The following COPZ2 variants were observed in gnomAD, a reference collection of about 807,000 sequenced individuals.
COPZ2 encodes coatomer subunit zeta-2.
In COPZ2, 30 loss-of-function variants were observed where a neutral mutation model predicts 33.2. That is an observed-to-expected ratio of 0.90 (90% CI 0.68 to 1.23). COPZ2 has a LOEUF of 1.23. COPZ2 is among the 50% of genes most tolerant of loss of function. The probability of loss-of-function intolerance (pLI) is 0.00; values close to 1 mark genes in which losing one functional copy is unlikely to be tolerated. For missense variants in COPZ2, 263 were observed against 262.4 expected (o/e 1.00, Z -0.02); for synonymous variants, 89 against 102.6 (o/e 0.87, Z 0.80).
upstream of COPZ2, chr17:48,037,915 C>G: frequency 1.1e-6 from 1 of 912,266 alleles, no homozygotes; most frequent in Non-Finnish European, 1.3e-6. The surrounding 1 kb of genome is among the most constrained non-coding windows in gnomAD (Gnocchi z 5.6). Flanking sequence ...CGTTCTCCCC[C>G]ATCTCCCCTC....
intron 2 of COPZ2, 112 bp downstream of exon 2, chr17:48,036,739 G>A (rs2036988701): frequency 3.3e-6 from 3 of 913,370 alleles, no homozygotes; most frequent in Admixed American, 4.2e-5. Flanking sequence ...GACCTCTGGA[G>A]GGGTCTAAGC....
In COPZ2 at chr17:48,028,710, G is replaced by A; in HGVS notation, c.547-200C>T. The A allele has an allele frequency of 1.7e-6, 1 of 594,134 alleles. No homozygotes were observed. 36.8% of individuals were successfully genotyped at this position (594,134 alleles called of 1,614,324 possible). On this transcript the variant is annotated intron_variant, in intron 7 of 8. Coordinates refer to ENST00000621465, the MANE Select transcript of COPZ2 (RefSeq NM_016429.4). This position sits in a 1 kb window ranked among gnomAD's most constrained non-coding sequence, Gnocchi z 4.5. ...AGGACCTCTGGGATTGTGCTATGGT[G>A]CGTGGAGGGTGAGGGAAGATGGGAA...
At chr17:48,033,972 A>G (rs751962808) in intron 2 of COPZ2, 28 bp from the exon 3 acceptor site, 25 of 1,503,232 alleles carry the variant, frequency 1.7e-5, no homozygotes, top group Non-Finnish European at 2.3e-5. Context: ...AGAAAGGACC[A>G]TAGCTTTCCA....
chr17:48,031,773 G>A (rs971838174), intron 6 of COPZ2: 2 of 242,536 alleles, frequency 8.2e-6, no homozygotes, highest in African/African-American at 2.3e-5. Context: ...TGTTGGAATT[G>A]AGCCCTAAGA....
chr17:48,032,547 T>C (rs2036909658), intron 5 of COPZ2, 139 bp downstream of exon 5: 1 of 747,734 alleles, frequency 1.3e-6, no homozygotes, highest in African/African-American at 1.8e-5. Context: ...CTACTTTCGT[T>C]CATTGTGTCG....
chr17:48,046,848 T>C, the COPZ2 span: 1 of 152,226 alleles, frequency 6.6e-6, no homozygotes, highest in Admixed American at 6.5e-5. Flanking sequence ...TACTAAGTTA[T>C]AACAGTTAAC....
In COPZ2 at chr17:48,033,246, A is replaced by G. The variant is rs765212190; in HGVS notation, c.325T>C (p.Phe109Leu). Residue 109 changes from phenylalanine to leucine, a missense_variant, in exon 4 of 9, where the codon TTC becomes CTC. Coordinates refer to ENST00000621465, the MANE Select transcript of COPZ2 (RefSeq NM_016429.4). ...TIVYKNSIDL[F>L]LYVVGSSYEN... ...TAGGATGAGCCCACCACGTATAGGA[A>G]GAGGTCAATGCTGTTCTTGTAGACG... The G allele has an allele frequency of 6.2e-7, 1 of 1,613,250 alleles. No homozygotes were observed. Among genetic ancestry groups the G allele is most frequent in the East Asian group, 2.2e-5 (1 of 44,872 alleles).
chr17:48,026,353 G>T lies in COPZ2; in HGVS notation c.*75C>A. The T allele has an allele frequency of 8.1e-7, 1 of 1,238,652 alleles. No individual in the cohort carries two copies. The highest frequency in any genetic ancestry group is 1.2e-6 in the Non-Finnish European group (1 of 845,040). 76.7% of individuals were successfully genotyped at this position (1,238,652 alleles called of 1,614,324 possible). Reference sequence around the variant, plus strand: ...CTGGGGATACAGAGGGGTCTCTCCTGACCCTGGGATCTTTGGGCTTTTGCC... The same window carrying T: ...CTGGGGATACAGAGGGGTCTCTCCTTACCCTGGGATCTTTGGGCTTTTGCC... On this transcript the variant is annotated 3_prime_UTR_variant, in exon 9 of 9. Coordinates refer to ENST00000621465, the MANE Select transcript of COPZ2 (RefSeq NM_016429.4).
rs936496341 is a variant in COPZ2, at chr17:48,028,607, G to T, written c.547-97C>A. 3.5e-6 allele frequency: 4 copies of T among 1,150,948 alleles called. No individual in the cohort carries two copies. The highest frequency in any genetic ancestry group is 4.2e-5 in the Admixed American group (2 of 48,004). 71.3% of individuals were successfully genotyped at this position (1,150,948 alleles called of 1,614,324 possible). Reference sequence around the variant, plus strand: ...GGGGCTTGGGGGTATGGGTGAGGTGGTGCAGTGGTTAGGGTGATTCAGAGC... The same window carrying T: ...GGGGCTTGGGGGTATGGGTGAGGTGTTGCAGTGGTTAGGGTGATTCAGAGC... On this transcript the variant is annotated intron_variant, in intron 7 of 8. Transcript: ENST00000621465. The surrounding 1 kb of genome is among the most constrained non-coding windows in gnomAD (Gnocchi z 4.5).
Position 48,032,902 on chromosome 17 carries a change from G to A in COPZ2, c.361-161C>T, listed in dbSNP as rs1265058561. ...CATTAGAGGGAACTTCCATGTGTCT[G>A]GGCTGGGAAACTGGAGTTCTCCACT... is the stretch of plus-strand genomic sequence containing the variant. On this transcript the variant is annotated intron_variant, in intron 4 of 8. Coordinates refer to ENST00000621465, the MANE Select transcript of COPZ2 (RefSeq NM_016429.4). 1.1e-5 allele frequency: 7 copies of A among 634,998 alleles called. No homozygotes were observed. The African/African-American group carries it at 1.1e-4, about 10-fold the overall frequency. The allele number at this position is 634,998 out of a possible 1,614,324, so 39.3% of individuals were successfully genotyped here. A position where few individuals can be genotyped will look rare whatever the true frequency, so the allele number is the denominator to read the frequency against.
Position 48,036,933 on chromosome 17 carries a change from CGGAGA to C in COPZ2, c.112-13_112-9del. ...GAGGGAAGGTTCCTGCAACTGACAC[CGGAGA>C]GGAGAGTTCCGTTTGGCCCCTGACT... is the stretch of plus-strand genomic sequence containing the variant. On this transcript the variant is annotated splice_polypyrimidine_tract_variant and intron_variant, in intron 1 of 8. Coordinates refer to ENST00000621465, the MANE Select transcript of COPZ2 (RefSeq NM_016429.4). 6.2e-7 allele frequency: 1 copy of C among 1,613,092 alleles called. No homozygotes were observed. Among genetic ancestry groups the C allele is most frequent in the Non-Finnish European group, 8.5e-7 (1 of 1,179,294 alleles).
In COPZ2 at chr17:48,028,415, C is replaced by G; in HGVS notation, c.585+57G>C. The stretch of plus-strand genomic sequence containing the variant: ...TCCCCCTAGGATGCTCTAGGATGCT[C>G]TGCTCCCCGTATCTCTCTAGACCAT... On this transcript the variant is annotated intron_variant, in intron 8 of 8. Coordinates refer to ENST00000621465, the MANE Select transcript of COPZ2 (RefSeq NM_016429.4). The surrounding 1 kb of genome is among the most constrained non-coding windows in gnomAD (Gnocchi z 4.5). 6.4e-7 allele frequency: 1 copy of G among 1,555,224 alleles called. No homozygotes were observed. The highest frequency in any genetic ancestry group is 8.7e-7 in the Non-Finnish European group (1 of 1,144,070).
At chr17:48,045,895 G>C in the COPZ2 span, 1 of 152,224 alleles carries the variant, frequency 6.6e-6, no homozygotes, top group Admixed American at 6.5e-5. Context: ...CACACCCTGG[G>C]TTTTACAAGG....
chr17:48,037,365 T>C lies in COPZ2; in HGVS notation c.111+302A>G. 1 of 338,598 alleles carries C rather than the reference T, an allele frequency of 3.0e-6. No homozygotes were observed. 21.0% of individuals were successfully genotyped at this position (338,598 alleles called of 1,614,324 possible). ...AAGCATGCCCATCACCCACCGGTGA[T>C]GGGAGCCGAGTCTGGGACGGACAGG... is the stretch of plus-strand genomic sequence containing the variant. On this transcript the variant is annotated intron_variant, in intron 1 of 8. Coordinates refer to ENST00000621465, the MANE Select transcript of COPZ2 (RefSeq NM_016429.4). The surrounding 1 kb of genome is among the most constrained non-coding windows in gnomAD (Gnocchi z 5.6).
Position 48,037,563 on chromosome 17 carries a change from C to T in COPZ2, c.111+104G>A. The T allele has an allele frequency of 1.0e-6, 1 of 988,830 alleles. No homozygotes were observed. 61.3% of individuals were successfully genotyped at this position (988,830 alleles called of 1,614,324 possible). On this transcript the variant is annotated intron_variant, in intron 1 of 8. Coordinates refer to ENST00000621465, the MANE Select transcript of COPZ2 (RefSeq NM_016429.4). The surrounding 1 kb of genome is among the most constrained non-coding windows in gnomAD (Gnocchi z 5.6). Reference sequence around the variant, plus strand: ...CCAGTCAGGGGTGACACAAAGTTCCCAGCCGCCGGGCGCGCGAGTTCTGAG... The same window carrying T: ...CCAGTCAGGGGTGACACAAAGTTCCTAGCCGCCGGGCGCGCGAGTTCTGAG...
intron 4 of COPZ2, 31 bp from the exon 5 acceptor site, chr17:48,032,772 G>A: frequency 6.4e-7 from 1 of 1,561,646 alleles, no homozygotes; most frequent in Non-Finnish European, 8.7e-7. Flanking sequence ...AGGAGGAAAA[G>A]GAGAGTTTGA....
chr17:48,034,084 C>A, intron 2 of COPZ2, 140 bp from the exon 3 acceptor site: 1 of 609,530 alleles, frequency 1.6e-6, no homozygotes, highest in Non-Finnish European at 3.0e-6. Context: ...GCACCCTAGG[C>A]CTGCAGGCTC....
the COPZ2 span, chr17:48,043,473 G>A: frequency 2.1e-6 from 2 of 969,572 alleles, no homozygotes; most frequent in Middle Eastern, 5.3e-4. Flanking sequence ...TGTCAAGAGG[G>A]GGAGGTGTGT....
At chr17:48,031,251 G>T (rs1483256010) in intron 6 of COPZ2, among the ~76,000 whole-genome samples, 3 of 152,108 alleles carry the variant, frequency 2.0e-5, no homozygotes, top group Non-Finnish European at 4.4e-5. Flanking sequence ...AGGAGATCGA[G>T]ACCATCCTGG....
Sources: gnomAD v4.1 joint callset for allele counts (sites outside exome capture counted in the v4.1 genomes callset) on GRCh38, gnomAD v4.1.1 for gene constraint, Gnocchi (gnomAD v3.1) non-coding constraint, MANE v1.5 for transcripts, NCBI Gene and HGNC (gene_info 2026-07-23, HGNC 2026-07-21) for gene names.